Variants in TTBK2 observed in about 807,000 individuals in gnomAD.
TTBK2 encodes the protein tau tubulin kinase 2, also known as tau-tubulin kinase 2.
TTBK2 carries 28 observed loss-of-function variants against 110.8 expected under a neutral mutation model. The ratio of observed to expected loss-of-function variants is 0.25; its 90% CI spans 0.19 to 0.35. TTBK2 has a LOEUF of 0.35. Among genes scored for constraint, TTBK2 ranks in the 10% least tolerant of loss-of-function variants. The pLI is 1.00. For missense variants in TTBK2, 1,369 were observed against 1,500.3 expected (o/e 0.91, Z 1.45); for synonymous variants, 532 against 527.3 (o/e 1.01, Z -0.12).
chr15:42,764,796 C>A (rs1889278673), intron 13 of TTBK2, among the ~76,000 whole-genome samples: 1 of 152,256 alleles, frequency 6.6e-6, no homozygotes, highest in African/African-American at 2.4e-5. Context: ...AATGGACAGA[C>A]TGCCTCCTCA....
intron 9 of TTBK2, among the ~76,000 whole-genome samples, chr15:42,796,372 C>T (rs1402760256): frequency 1.3e-5 from 2 of 152,100 alleles, no homozygotes; most frequent in African/African-American, 2.4e-5. Context: ...TGCACTCCAG[C>T]CTGGGTGACA....
At chr15:42,854,865 A>G (rs1022253742) in intron 3 of TTBK2, among the ~76,000 whole-genome samples, 5 of 152,212 alleles carry the variant, frequency 3.3e-5, no homozygotes, top group Non-Finnish European at 5.9e-5. Context: ...TCAGAAAAAA[A>G]ATCAACAATA....
At chr15:42,776,856 ATAAT>A in intron 12 of TTBK2, 171 bp downstream of exon 12, 2 of 656,860 alleles carry the variant, frequency 3.0e-6, no homozygotes, top group South Asian at 4.1e-5. Context: ...CAGGATAATA[ATAAT>A]TAAAAACATG....
At chr15:42,809,992 C>A (rs1891635793) in intron 9 of TTBK2, among the ~76,000 whole-genome samples, 1 of 152,114 alleles carries the variant, frequency 6.6e-6, no homozygotes, top group Non-Finnish European at 1.5e-5. Context: ...CTATGTGTGG[C>A]CGCATTTATG....
intron 1 of TTBK2, among the ~76,000 whole-genome samples, chr15:42,880,310 A>T (rs528792716): frequency 1.3e-5 from 2 of 152,290 alleles, no homozygotes; most frequent in East Asian, 3.9e-4. Context: ...AGGTCAATCA[A>T]TTCCTAAATA....
intron 9 of TTBK2, among the ~76,000 whole-genome samples, chr15:42,807,403 C>CTATTATTAT (rs533415613): frequency 3.2e-4 from 48 of 151,040 alleles, no homozygotes; most frequent in African/African-American, 1.1e-3. Context: ...TCACGTGATC[C>CTATTATTAT]TATTATTATT....
intron 4 of TTBK2, among the ~76,000 whole-genome samples, chr15:42,836,249 C>A (rs566875324): frequency 1.3e-5 from 2 of 151,960 alleles, no homozygotes; most frequent in South Asian, 4.2e-4. Context: ...TAAGGTTGTT[C>A]CTTAAAAATT....
At chr15:42,845,433 AGGTG>A (rs748038703) in intron 3 of TTBK2, among the ~76,000 whole-genome samples, 9 of 151,878 alleles carry the variant, frequency 5.9e-5, no homozygotes, top group Non-Finnish European at 1.2e-4. Context: ...TGGGAGGCCG[AGGTG>A]GGTGGATCAC....
In TTBK2 at chr15:42,910,004, A is replaced by G. The variant is rs1164502952; in HGVS notation, c.-68+10434T>C. On this transcript the variant is annotated intron_variant, in intron 1 of 14. Transcript: ENST00000267890. ...GATCCCATCTCAACAAAACAATACA[A>G]AACAAAACAAAAAAGGCAGGTGAGA... Among the ~76,000 whole-genome samples, 3 of 152,234 alleles carry G rather than the reference A, an allele frequency of 2.0e-5. 1 individual carries two copies. Among genetic ancestry groups the G allele is most frequent in the East Asian group, 3.9e-4 (2 of 5,182 alleles).
At chr15:42,802,728 T>C (rs1416628867) in intron 9 of TTBK2, among the ~76,000 whole-genome samples, 4 of 152,236 alleles carry the variant, frequency 2.6e-5, no homozygotes, top group African/African-American at 4.8e-5. Context: ...TGTACTGTGA[T>C]GGTTAATACT....
intron 2 of TTBK2, among the ~76,000 whole-genome samples, chr15:42,877,464 C>T (rs1423276979): frequency 2.0e-5 from 3 of 151,094 alleles, no homozygotes; most frequent in Non-Finnish European, 2.9e-5. Flanking sequence ...GACAAATCAC[C>T]TAATTTCTTC....
chr15:42,827,894 A>T, intron 6 of TTBK2, 34 bp downstream of exon 6: 1 of 1,541,828 alleles, frequency 6.5e-7, no homozygotes, highest in Non-Finnish European at 9.0e-7. Context: ...CAGGGTAATT[A>T]TCAAATATTT....
chr15:42,855,170 C>A (rs1380145404), intron 3 of TTBK2: 1 of 152,108 alleles, frequency 6.6e-6, no homozygotes, highest in South Asian at 2.1e-4. Context: ...TCAGGCCTCT[C>A]GGGTTCAAGT....
At chr15:42,848,910 G>A (rs1371646732) in intron 3 of TTBK2, among the ~76,000 whole-genome samples, 2 of 152,152 alleles carry the variant, frequency 1.3e-5, no homozygotes, top group Non-Finnish European at 2.9e-5. Context: ...GTTGCTTTTT[G>A]TGGCCTGATC....
chr15:42,898,529 A>C (rs1895760836), intron 1 of TTBK2, among the ~76,000 whole-genome samples: 1 of 152,016 alleles, frequency 6.6e-6, no homozygotes, highest in Admixed American at 6.6e-5. Flanking sequence ...AAAAAAAAAG[A>C]AAAAGAAAAA....
chr15:42,755,704 T>C (rs921098103), intron 13 of TTBK2, among the ~76,000 whole-genome samples: 6 of 152,204 alleles, frequency 3.9e-5, no homozygotes, highest in African/African-American at 1.4e-4. Flanking sequence ...CATATTTCTG[T>C]TTTAATTATT....
intron 9 of TTBK2, among the ~76,000 whole-genome samples, chr15:42,802,753 CTGGAT>C (rs1891279143): frequency 6.6e-6 from 1 of 152,108 alleles, no homozygotes; most frequent in African/African-American, 2.4e-5. Context: ...GTCAAATTGA[CTGGAT>C]TGAAGGATAC....
At chr15:42,804,741 G>C (rs1891384882) in intron 9 of TTBK2, among the ~76,000 whole-genome samples, 1 of 152,168 alleles carries the variant, frequency 6.6e-6, no homozygotes, top group Non-Finnish European at 1.5e-5. Flanking sequence ...TCCAGCTCTA[G>C]AATAGACGTC....
At chr15:42,840,260 A>G in intron 4 of TTBK2, 100 bp downstream of exon 4, 2 of 1,027,718 alleles carry the variant, frequency 1.9e-6, no homozygotes, top group East Asian at 2.4e-5. Context: ...ACATTCTCAC[A>G]TGGTACTAAG....
Sources: allele counts gnomAD v4.1 joint callset (sites outside exome capture counted in the v4.1 genomes callset), GRCh38; gene constraint gnomAD v4.1.1; transcripts MANE v1.5; gene names NCBI Gene and HGNC (gene_info 2026-07-23, HGNC 2026-07-21).